The following ANKRD31 variants were observed in gnomAD, a reference collection of about 807,000 sequenced individuals.
The protein encoded by ANKRD31 is ankyrin repeat domain 31.
Under a neutral mutation model 186.0 loss-of-function variants are expected in ANKRD31, and 147 were observed. That is an observed-to-expected ratio of 0.79 (90% CI 0.69 to 0.91). The LOEUF (loss-of-function observed/expected upper bound fraction) is 0.91. ANKRD31 is among the 40% of genes least tolerant of loss of function. ANKRD31 has a pLI of 0.00. For synonymous variants in ANKRD31, 673 were observed against 736.4 expected (o/e 0.91, Z 1.39); for missense variants, 1,986 against 2,148.8 (o/e 0.92, Z 1.50).
chr5:75,178,660 A>G (rs979565997), intron 10 of ANKRD31, among the ~76,000 whole-genome samples: 10 of 152,036 alleles, frequency 6.6e-5, no homozygotes, highest in African/African-American at 2.2e-4. Flanking sequence ...AATGAAGGCA[A>G]AAATAAAGAT....
chr5:75,148,867 C>T (rs189621476), intron 12 of ANKRD31, among the ~76,000 whole-genome samples: 3 of 152,020 alleles, frequency 2.0e-5, no homozygotes, highest in Admixed American at 1.3e-4. Flanking sequence ...AACAGAATAA[C>T]TAATACTAAA....
At position 75,171,023 on chromosome 5, in the gene ANKRD31, A is replaced by G. The variant is rs76996609; in HGVS notation, c.1565-1902T>C. Among the ~76,000 whole-genome samples the G allele has an allele frequency of 3.2e-3, 491 of 152,138 alleles. 3 individuals carry two copies. Among genetic ancestry groups the G allele is most frequent in the African/African-American group, 0.012 (478 of 41,544 alleles). ...AAAGAAAGAAACAGACAATTCCACA[A>G]TCACATTTATGAGGATTTTAACATC... On this transcript the variant is annotated intron_variant, in intron 10 of 25. Coordinates refer to ENST00000506364, the MANE Select transcript of ANKRD31 (RefSeq NM_001372053.1).
At chr5:75,174,380 A>G (rs1045028459) in intron 10 of ANKRD31, among the ~76,000 whole-genome samples, 2 of 152,218 alleles carry the variant, frequency 1.3e-5, no homozygotes, top group African/African-American at 2.4e-5. Flanking sequence ...AGACAAATGG[A>G]TCTAATTAAA....
At position 75,233,224 on chromosome 5, in the gene ANKRD31, G is replaced by A. The variant is rs916059303; in HGVS notation, c.105-2589C>T. The stretch of plus-strand genomic sequence containing the variant: ...ACTACAGGTGCATGCCACCATGCCC[G>A]GTTAATTTTTGTATTTTTAATAGAG... On this transcript the variant is annotated intron_variant, in intron 1 of 25. Coordinates refer to ENST00000506364, the MANE Select transcript of ANKRD31 (RefSeq NM_001372053.1). 6.6e-5 allele frequency among the ~76,000 whole-genome samples: 10 copies of A among 151,686 alleles called. No homozygotes were observed. The East Asian group carries it at 9.7e-4, about 15-fold the overall frequency.
chr5:75,069,698 A>G (rs1744064013), intron 25 of ANKRD31, among the ~76,000 whole-genome samples: 1 of 151,906 alleles, frequency 6.6e-6, no homozygotes, highest in African/African-American at 2.4e-5. Context: ...GGTGCCTACC[A>G]CCACACCCAG....
intron 10 of ANKRD31, among the ~76,000 whole-genome samples, chr5:75,178,759 C>T (rs1754027679): frequency 6.6e-6 from 1 of 152,052 alleles, no homozygotes; most frequent in Non-Finnish European, 1.5e-5. Flanking sequence ...ATTTATAGCA[C>T]TAAATGCCCA....
Position 75,220,437 on chromosome 5 carries a change from C to T in ANKRD31, c.288+1812G>A, listed in dbSNP as rs529688070. On this transcript the variant is annotated intron_variant, in intron 3 of 25. Coordinates refer to ENST00000506364, the MANE Select transcript of ANKRD31 (RefSeq NM_001372053.1). ...GGTGGATCACCTGAGGTCGAAAGTT[C>T]GAGACCAGCCGAACCAACACAGAGA... Among the ~76,000 whole-genome samples, 15 of 151,916 alleles carry T rather than the reference C, an allele frequency of 9.9e-5. No homozygotes were observed. The South Asian group carries it at 1.9e-3, about 19-fold the overall frequency.
chr5:75,104,257 C>A lies in ANKRD31; in HGVS notation c.5302G>T (p.Gly1768Ter). 6.6e-7 allele frequency: 1 copy of A among 1,513,874 alleles called. No individual in the cohort carries two copies. The highest frequency in any genetic ancestry group is 1.3e-5 in the South Asian group (1 of 79,394). The allele number at this position is 1,513,874 out of a possible 1,614,324, so 93.8% of individuals were successfully genotyped here. Residue 1768 changes from glycine (G) to a stop codon, truncating the protein, a stop_gained, in exon 22 of 26, where the codon GGA (glycine) becomes TGA (stop). Coordinates refer to ENST00000506364, the MANE Select transcript of ANKRD31 (RefSeq NM_001372053.1). LOFTEE classifies it high-confidence loss of function. ...DLILLGRINP[G>*]NNILEFKTQE... ...GTTTTGAATTCCAGAATGTTATTTCCTGGGTTAATTCTTCCTAGTAATATC... is the reference window on the plus strand; with the variant it reads ...GTTTTGAATTCCAGAATGTTATTTCATGGGTTAATTCTTCCTAGTAATATC...
rs539143801 is a variant in ANKRD31 at position 75,098,277 on chromosome 5, G to A, written c.5331+5951C>T. The stretch of plus-strand genomic sequence containing the variant: ...GCTGGGATTACAGGCGTGAGCCACC[G>A]TGCCCGGCCTATATCTCTGTTTTGG... On this transcript the variant is annotated intron_variant, in intron 22 of 25. Coordinates refer to ENST00000506364, the MANE Select transcript of ANKRD31 (RefSeq NM_001372053.1). Among the ~76,000 whole-genome samples, 3 of 152,032 alleles carry A rather than the reference G, an allele frequency of 2.0e-5. No individual in the cohort carries two copies. In the South Asian group the frequency reaches 6.2e-4, roughly 32 times the overall value.
At chr5:75,086,933 T>G (rs868020763) in intron 23 of ANKRD31, among the ~76,000 whole-genome samples, 1 of 152,208 alleles carries the variant, frequency 6.6e-6, no homozygotes, top group South Asian at 2.1e-4. Flanking sequence ...AATAGATGAC[T>G]CAGCCAGCCA....
intron 25 of ANKRD31, among the ~76,000 whole-genome samples, chr5:75,076,034 AACATTG>A (rs1744613403): frequency 7.0e-6 from 1 of 142,604 alleles, no homozygotes; most frequent in Non-Finnish European, 1.5e-5. Flanking sequence ...TATGGAATGA[AACATTG>A]CTTACTCTGA....
At chr5:75,126,246 A>G (rs1251620799) in intron 17 of ANKRD31, among the ~76,000 whole-genome samples, 3 of 152,204 alleles carry the variant, frequency 2.0e-5, no homozygotes, top group Non-Finnish European at 4.4e-5. Context: ...GTTCGAGACC[A>G]GCCTGGCCAA....
chr5:75,104,198 C>A, intron 22 of ANKRD31, 30 bp downstream of exon 22: 1 of 1,428,282 alleles, frequency 7.0e-7, no homozygotes, highest in Non-Finnish European at 9.2e-7. Context: ...ATAAAATTTG[C>A]ATGATTTTAG....
intron 17 of ANKRD31, among the ~76,000 whole-genome samples, chr5:75,119,020 T>A (rs181528571): frequency 4.3e-4 from 65 of 152,336 alleles, no homozygotes; most frequent in Middle Eastern, 3.4e-3. Flanking sequence ...GGACGTTTTA[T>A]GAACTAGCTT....
chr5:75,226,820 G>A (rs1757654142), intron 2 of ANKRD31, among the ~76,000 whole-genome samples: 1 of 152,144 alleles, frequency 6.6e-6, no homozygotes, highest in African/African-American at 2.4e-5. Flanking sequence ...ACTGTTGGTG[G>A]GAATGTAAAT....
intron 16 of ANKRD31, 119 bp downstream of exon 16, chr5:75,138,727 T>C (rs575075864): frequency 2.3e-5 from 23 of 1,010,484 alleles, no homozygotes; most frequent in South Asian, 4.1e-5. Context: ...ATAAAAAAGA[T>C]TGTTCAAAGT....
rs1281345351 is a variant in ANKRD31 at position 75,091,258 on chromosome 5, C to T, written c.5472+3G>A. On this transcript the variant is annotated splice_donor_region_variant and intron_variant, in intron 23 of 25. Transcript: ENST00000506364. ...GTTAAAGATAAACTTAAGAATGACC[C>T]ACCTTACTCCAAGCATAATTCCAGG... is the stretch of plus-strand genomic sequence containing the variant. 1 of 1,526,320 alleles carries T rather than the reference C, an allele frequency of 6.6e-7. No homozygotes were observed. 94.5% of individuals were successfully genotyped at this position (1,526,320 alleles called of 1,614,324 possible).
chr5:75,222,468 T>C (rs1253510169), intron 2 of ANKRD31, 110 bp from the exon 3 acceptor site: 10 of 759,548 alleles, frequency 1.3e-5, no homozygotes, highest in Non-Finnish European at 2.0e-5. Flanking sequence ...TCATCTAGTA[T>C]ATTATTTCTT....
intron 15 of ANKRD31, among the ~76,000 whole-genome samples, chr5:75,139,545 CT>C (rs1273827360): frequency 1.3e-5 from 2 of 152,140 alleles, no homozygotes; most frequent in Non-Finnish European, 2.9e-5. Context: ...TGTTTTCCCC[CT>C]ATTTCCTGCC....
Sources: gnomAD v4.1 joint callset for allele counts (sites outside exome capture counted in the v4.1 genomes callset) on GRCh38, gnomAD v4.1.1 for gene constraint, MANE v1.5 for transcripts, NCBI Gene and HGNC (gene_info 2026-07-23, HGNC 2026-07-21) for gene names.